RFX4: variants seen among roughly 807,000 people sequenced by gnomAD.
RFX4 encodes transcription factor RFX4.
RFX4 carries 10 observed loss-of-function variants against 95.0 expected under a neutral mutation model. The observed-to-expected ratio is 0.11, with a 90% CI of 0.06 to 0.18. RFX4 has a LOEUF of 0.18. Ranked by LOEUF, RFX4 falls within the 10% of genes least tolerant of loss-of-function variation. The pLI is 1.00. For missense variants in RFX4, 640 were observed against 922.0 expected, an observed-to-expected ratio of 0.69 and a Z score of 3.96; for synonymous variants, 321 against 340.7, an observed-to-expected ratio of 0.94 and a Z score of 0.64.
Position 106,583,204 on chromosome 12 carries a change from GTCTC to G in RFX4, c.-108_-105del, listed in dbSNP as rs1277975756. On this transcript the variant is annotated 5_prime_UTR_variant, in exon 1 of 18. Transcript: ENST00000392842. The stretch of plus-strand genomic sequence containing the variant: ...ATCCTTGTGCCCCCTCACTTTCTGC[GTCTC>G]TCTCTCTCCCCTTCTCCCTCCCTCC... The G allele has an allele frequency of 1.1e-6, 1 of 886,330 alleles. No homozygotes were observed. The allele number at this position is 886,330 out of a possible 1,614,324, so 54.9% of individuals were successfully genotyped here. A position where few individuals can be genotyped will look rare whatever the true frequency, so the allele number is the denominator to read the frequency against.
intron 1 of RFX4, among the ~76,000 whole-genome samples, chr12:106,592,333 T>A (rs1440657573): frequency 6.6e-6 from 1 of 152,230 alleles, no homozygotes; most frequent in Admixed American, 6.5e-5. Context: ...CTAATTTTAT[T>A]TTTATTTCTC....
At chr12:106,712,736 A>G (rs1244238109) in intron 10 of RFX4, among the ~76,000 whole-genome samples, 2 of 152,022 alleles carry the variant, frequency 1.3e-5, no homozygotes, top group African/African-American at 4.8e-5. Flanking sequence ...GATGGTGCAG[A>G]GCCTGACAGA....
intron 1 of RFX4, among the ~76,000 whole-genome samples, chr12:106,598,708 A>G (rs2039655511): frequency 6.6e-6 from 1 of 152,132 alleles, no homozygotes; most frequent in South Asian, 2.1e-4. Context: ...GGGAATTCAC[A>G]TCCCCAAACA....
intron 16 of RFX4, among the ~76,000 whole-genome samples, chr12:106,748,356 G>C (rs1242123738): frequency 6.6e-6 from 1 of 152,162 alleles, no homozygotes; most frequent in Non-Finnish European, 1.5e-5. Context: ...TTTAGAGAAG[G>C]GCTTCCCCAC....
intron 17 of RFX4, among the ~76,000 whole-genome samples, chr12:106,758,188 T>C (rs568519501): frequency 8.7e-4 from 132 of 151,838 alleles, no homozygotes; most frequent in Non-Finnish European, 1.5e-3. Flanking sequence ...GTGAGGCGGG[T>C]GCCACGGGCC....
intron 3 of RFX4, among the ~76,000 whole-genome samples, chr12:106,642,660 T>C (rs2040657553): frequency 6.6e-6 from 1 of 152,008 alleles, no homozygotes; most frequent in South Asian, 2.1e-4. Context: ...AGTAATGCAT[T>C]AGATAGTGAG....
intron 15 of RFX4, among the ~76,000 whole-genome samples, chr12:106,744,523 A>T (rs1384408222): frequency 6.6e-6 from 1 of 152,220 alleles, no homozygotes; most frequent in African/African-American, 2.4e-5. Context: ...CATAATGAAG[A>T]GTGTTTGCAT....
chr12:106,750,136 G>A (rs1270034678), intron 16 of RFX4, among the ~76,000 whole-genome samples: 2 of 152,010 alleles, frequency 1.3e-5, no homozygotes, highest in Non-Finnish European at 1.5e-5. Context: ...TCAACCTGGG[G>A]TTTTAAGTTA....
intron 7 of RFX4, among the ~76,000 whole-genome samples, chr12:106,694,059 C>G (rs928189680): frequency 6.6e-6 from 1 of 152,178 alleles, no homozygotes; most frequent in African/African-American, 2.4e-5. Context: ...GCAAGTCAGT[C>G]TTCACTCCTC....
At chr12:106,674,909 T>C (rs1025645705) in intron 4 of RFX4, among the ~76,000 whole-genome samples, 1 of 152,114 alleles carries the variant, frequency 6.6e-6, no homozygotes, top group Non-Finnish European at 1.5e-5. Flanking sequence ...CTGCAGCTTG[T>C]TGAACATGGG....
At chr12:106,644,571 T>A (rs1264414385) in intron 3 of RFX4, among the ~76,000 whole-genome samples, 2 of 152,134 alleles carry the variant, frequency 1.3e-5, no homozygotes, top group Non-Finnish European at 2.9e-5. Context: ...TTTGTTCAAA[T>A]CTCATCTTTG....
chr12:106,715,058 C>G (rs11113090), intron 10 of RFX4: 28,171 of 185,686 alleles, frequency 0.15, 2,501 homozygotes, highest in East Asian at 0.26. Flanking sequence ...TCCCATCCCA[C>G]AGGCTTACAT....
At chr12:106,747,705 G>A in intron 16 of RFX4, 106 bp downstream of exon 16, 1 of 1,279,830 alleles carries the variant, frequency 7.8e-7, no homozygotes, top group Non-Finnish European at 1.1e-6. Flanking sequence ...AGGCCAAGGT[G>A]GGCCTTGAAG....
intron 8 of RFX4, among the ~76,000 whole-genome samples, chr12:106,709,008 C>T (rs981793255): frequency 6.6e-6 from 1 of 152,194 alleles, no homozygotes; most frequent in Non-Finnish European, 1.5e-5. Context: ...CTAAGGCCCA[C>T]GGCCCACTGT....
Position 106,733,013 on chromosome 12 carries a change from T to C in RFX4, c.1561T>C (p.Ser521Pro), listed in dbSNP as rs1317895256. 8 of 1,614,174 alleles carry C rather than the reference T, an allele frequency of 5.0e-6. No homozygotes were observed. Among genetic ancestry groups the C allele is most frequent in the Non-Finnish European group, 6.8e-6 (8 of 1,180,030 alleles). ...GTTTTCTCCAGCAAAATCTGCCACA[T>C]CTGTGGAAGTGCCACCTCCCTCTTC... Reference protein sequence around the residue: ...PSFSPAKSATSVEVPPPSSPV... With the variant: ...PSFSPAKSATPVEVPPPSSPV... The change falls in exon 15 of 18, where the codon TCT (serine) becomes CCT (proline). Residue 521 changes from serine to proline, a missense_variant. Transcript: ENST00000392842.
intron 10 of RFX4, among the ~76,000 whole-genome samples, chr12:106,713,974 G>A (rs1002407318): frequency 2.0e-5 from 3 of 148,796 alleles, no homozygotes; most frequent in Admixed American, 1.4e-4. Context: ...GGAGGCTGAG[G>A]CAGGAGAATC....
At chr12:106,702,459 G>A (rs2042010016) in intron 8 of RFX4, among the ~76,000 whole-genome samples, 1 of 152,190 alleles carries the variant, frequency 6.6e-6, no homozygotes, top group Non-Finnish European at 1.5e-5. Context: ...TTGGAGATTT[G>A]TTGGGTTGTT....
intron 4 of RFX4, among the ~76,000 whole-genome samples, chr12:106,658,798 GCCAACCT>G (rs892235345): frequency 7.2e-5 from 11 of 152,240 alleles, no homozygotes; most frequent in African/African-American, 2.6e-4. Context: ...GTGCTCTCTA[GCCAACCT>G]CCTACCACCT....
chr12:106,750,877 C>T (rs1482515838), intron 17 of RFX4, 84 bp downstream of exon 17: 1 of 1,264,416 alleles, frequency 7.9e-7, no homozygotes, highest in East Asian at 2.7e-5. Flanking sequence ...AACTGTTATG[C>T]ATACTGTGTG....
Sources: allele counts gnomAD v4.1 joint callset (sites outside exome capture counted in the v4.1 genomes callset), GRCh38; gene constraint gnomAD v4.1.1; transcripts MANE v1.5; gene names NCBI Gene and HGNC (gene_info 2026-07-23, HGNC 2026-07-21).